Variants in DOCK1 observed in about 807,000 individuals in gnomAD.
DOCK1 encodes dedicator of cytokinesis protein 1.
Under a neutral mutation model 262.7 loss-of-function variants are expected in DOCK1, and 138 were observed. The ratio of observed to expected loss-of-function variants is 0.53; its 90% confidence interval spans 0.46 to 0.61. The LOEUF (loss-of-function observed/expected upper bound fraction) is 0.61. DOCK1 is among the 20% of genes least tolerant of loss of function. The pLI is 0.00. For synonymous variants in DOCK1, 866 were observed against 867.4 expected (o/e 1.00, Z 0.03); for missense variants, 1,908 against 2,370.7 (o/e 0.80, Z 4.05).
chr10:127,189,841 CTT>C (rs994080860), intron 27 of DOCK1, among the ~76,000 whole-genome samples: 4 of 152,172 alleles, frequency 2.6e-5, no homozygotes, highest in African/African-American at 9.7e-5. Context: ...CAAAAATAAT[CTT>C]TATGCAGCGC....
Position 127,125,531 on chromosome 10 carries a change from G to A in DOCK1, c.2681G>A (p.Arg894Lys). Residue 894 changes from arginine (R) to lysine (K), a missense_variant, in exon 26 of 52, where the codon AGA becomes AAA. Physicochemically the swap from Arg to Lys is conservative, Grantham distance 26. Around this residue, in one of 9 missense-constraint regions of DOCK1, gnomAD observed 518 missense variants for 575.1 expected, o/e 0.90. Transcript: ENST00000623213. Reference sequence around the variant, plus strand: ...GATCAGCTCAAGTACCATCTGGAGAGACAGGAGGACCTGGAGGCCTGCTGT... The same window carrying A: ...GATCAGCTCAAGTACCATCTGGAGAAACAGGAGGACCTGGAGGCCTGCTGT... ...MTDQLKYHLE[R>K]QEDLEACCQL... 5.6e-6 allele frequency: 9 copies of A among 1,613,924 alleles called. No homozygotes were observed. Among genetic ancestry groups the A allele is most frequent in the Non-Finnish European group, 7.6e-6 (9 of 1,179,888 alleles).
rs151092359 is a variant in DOCK1, at chr10:127,239,417, C to A, written c.2848-8591C>A. ...TTAATACTTTATAATACTTAAGTAT[C>A]ATCATAAACATTTAATACTTAATAT... is the stretch of plus-strand genomic sequence containing the variant. On this transcript the variant is annotated intron_variant, in intron 27 of 51. Transcript: ENST00000623213. 7.6e-3 allele frequency among the ~76,000 whole-genome samples: 1,151 copies of A among 152,172 alleles called. 8 individuals are homozygous for A. The highest frequency in any genetic ancestry group is 0.011 in the Non-Finnish European group (753 of 68,012).
chr10:126,947,317 GGTGGTGGTTGGTAGTATTACTGTTGGTGA>G (rs2035514948), intron 1 of DOCK1, among the ~76,000 whole-genome samples: 1 of 142,912 alleles, frequency 7.0e-6, no homozygotes, highest in African/African-American at 2.6e-5. Flanking sequence ...TGGTGGTGAT[GGTGGTGGTTGGTAGTATTACTGTTGGTGA>G]TGGTGGTGGT....
At chr10:127,071,970 T>A (rs1484211808) in intron 23 of DOCK1, among the ~76,000 whole-genome samples, 1 of 152,192 alleles carries the variant, frequency 6.6e-6, no homozygotes, top group Non-Finnish European at 1.5e-5. Context: ...GTGGAAAATC[T>A]CTCCTTTGGC....
At chr10:127,285,673 G>A (rs187503750) in intron 29 of DOCK1, among the ~76,000 whole-genome samples, 5 of 152,318 alleles carry the variant, frequency 3.3e-5, no homozygotes, top group East Asian at 1.9e-4. Context: ...TGGAAGGTGC[G>A]GTCAGACCGC....
chr10:127,426,165 T>G (rs1688313800), intron 47 of DOCK1, among the ~76,000 whole-genome samples, 154 bp downstream of exon 47: 1 of 152,148 alleles, frequency 6.6e-6, no homozygotes, highest in Non-Finnish European at 1.5e-5. Context: ...CCTTGGGCAG[T>G]CTTGTCTACC....
intron 1 of DOCK1, among the ~76,000 whole-genome samples, chr10:126,961,518 T>A (rs1274541027): frequency 6.6e-6 from 1 of 152,218 alleles, no homozygotes; most frequent in African/African-American, 2.4e-5. Context: ...ACCCCCTTTC[T>A]TACTTTCGTT....
intron 23 of DOCK1, among the ~76,000 whole-genome samples, chr10:127,093,243 T>TTTTCTTTTCTTTCTTTCTTTCTTTC (rs2047680866): frequency 3.3e-4 from 11 of 33,006 alleles, no homozygotes; most frequent in African/African-American, 1.7e-3. Context: ...TTCTTTCTTC[T>TTTTCTTTTCTTTCTTTCTTTCTTTC]TTTTTTTTTT....
chr10:127,354,586 T>C, intron 31 of DOCK1, 83 bp from the exon 32 acceptor site: 1 of 1,543,036 alleles, frequency 6.5e-7, no homozygotes, highest in Non-Finnish European at 8.9e-7. Flanking sequence ...TAGAAGGCTT[T>C]AATTGCACTT....
chr10:127,440,609 C>T (rs1485888458), intron 49 of DOCK1, among the ~76,000 whole-genome samples: 4 of 152,198 alleles, frequency 2.6e-5, no homozygotes, highest in Non-Finnish European at 5.9e-5. Context: ...TTGTTTATAA[C>T]TTAAAACCCA....
At chr10:127,445,313 G>A (rs1162001131) in intron 50 of DOCK1, among the ~76,000 whole-genome samples, 2 of 152,286 alleles carry the variant, frequency 1.3e-5, no homozygotes, top group South Asian at 2.1e-4. Flanking sequence ...GGCGAGGGCT[G>A]TGCAAGGCAG....
In DOCK1 at chr10:127,451,720, A is replaced by C. The variant is rs536249536; in HGVS notation, c.*293A>C. The stretch of plus-strand genomic sequence containing the variant: ...GAGAGAGTCTGAGTCTTGCCCAAAC[A>C]TTCTTTCTTTTTGTGCCAAATGACT... On this transcript the variant is annotated 3_prime_UTR_variant, in exon 52 of 52. Transcript: ENST00000623213. 2.1e-6 allele frequency: 1 copy of C among 468,280 alleles called. No individual in the cohort carries two copies. Among genetic ancestry groups the C allele is most frequent in the South Asian group, 2.6e-5 (1 of 38,474 alleles). 29.0% of individuals were successfully genotyped at this position (468,280 alleles called of 1,614,324 possible).
At chr10:127,222,516 G>A (rs1377442002) in intron 27 of DOCK1, among the ~76,000 whole-genome samples, 9 of 152,206 alleles carry the variant, frequency 5.9e-5, no homozygotes, top group Non-Finnish European at 1.2e-4. Context: ...AAATTGTCAT[G>A]TTAACGTGGT....
intron 25 of DOCK1, among the ~76,000 whole-genome samples, chr10:127,112,004 T>G (rs2132884995): frequency 6.6e-6 from 1 of 151,774 alleles, no homozygotes; most frequent in South Asian, 2.1e-4. Context: ...CCATGAAAGA[T>G]TCAATTAGAT....
chr10:127,307,787 C>T (rs1156453543), intron 29 of DOCK1, among the ~76,000 whole-genome samples: 1 of 152,268 alleles, frequency 6.6e-6, no homozygotes, highest in Non-Finnish European at 1.5e-5. Flanking sequence ...AAGCTCCTCT[C>T]TGTCTCCTTG....
At chr10:126,982,360 G>A (rs1202257804) in intron 4 of DOCK1, among the ~76,000 whole-genome samples, 1 of 152,098 alleles carries the variant, frequency 6.6e-6, no homozygotes, top group Non-Finnish European at 1.5e-5. Context: ...ATGGAGTTTA[G>A]GGTGAAGCAA....
intron 27 of DOCK1, chr10:127,146,015 A>G (rs745649166): frequency 7.7e-6 from 4 of 518,038 alleles, no homozygotes; most frequent in South Asian, 2.8e-5. Flanking sequence ...TAGTCACTCT[A>G]TTCCCCATGG....
chr10:127,214,809 TA>T (rs2134371429), intron 27 of DOCK1, among the ~76,000 whole-genome samples: 1 of 152,288 alleles, frequency 6.6e-6, no homozygotes, highest in African/African-American at 2.4e-5. Flanking sequence ...ACAGCAATAG[TA>T]ATATGAAGAC....
Position 127,451,618 on chromosome 10 carries a change from G to A in DOCK1, c.*191G>A, listed in dbSNP as rs2134891001. 7.3e-7 allele frequency: 1 copy of A among 1,374,680 alleles called. No homozygotes were observed. Among genetic ancestry groups the A allele is most frequent in the East Asian group, 2.7e-5 (1 of 37,498 alleles). The allele number at this position is 1,374,680 out of a possible 1,614,324, so 85.2% of individuals were successfully genotyped here. On this transcript the variant is annotated 3_prime_UTR_variant, in exon 52 of 52. Transcript: ENST00000623213. ...CCTTTAGCGTCATGGAGCAAGGTGG[G>A]TCTGGGAGGTAGATATGGGTCCGGG...
Sources: gnomAD v4.1 joint callset for allele counts (sites outside exome capture counted in the v4.1 genomes callset) on GRCh38, gnomAD v4.1.1 for gene constraint, gnomAD v4.1.1 regional missense constraint, MANE v1.5 for transcripts, NCBI Gene and HGNC (gene_info 2026-07-23, HGNC 2026-07-21) for gene names.